Variants in GNAI2 observed in about 807,000 individuals in gnomAD.
GNAI2 encodes the protein G protein subunit alpha i2.
GNAI2 carries 4 observed loss-of-function variants against 36.8 expected under a neutral mutation model. The ratio of observed to expected loss-of-function variants is 0.11; its 90% CI spans 0.05 to 0.25. The LOEUF (loss-of-function observed/expected upper bound fraction) is 0.25. Ranked by LOEUF, GNAI2 falls within the 10% of genes least tolerant of loss-of-function variation. GNAI2 has a pLI of 1.00. For missense variants in GNAI2, 230 were observed against 481.3 expected (o/e 0.48, Z 4.89); for synonymous variants, 194 against 194.1 (o/e 1.00, Z 0.01).
chr3:50,236,134 T>G (rs1553700311), upstream of GNAI2: 1 of 1,106,328 alleles, frequency 9.0e-7, no homozygotes, highest in African/African-American at 1.7e-5. This position sits in a 1 kb window ranked among gnomAD's most constrained non-coding sequence, Gnocchi z 4.0. Context: ...GTCACAGGCT[T>G]GGTTCGCCCA....
In GNAI2 at chr3:50,242,707, G is replaced by C. The variant is rs782301888; in HGVS notation, c.118+6254G>C. ...GGAATAACCAAACATTTGCTGGGCT[G>C]GTTCTTCTGTGCCGGCCTCTGTGCA... On this transcript the variant is annotated intron_variant, in intron 1 of 8. Coordinates refer to ENST00000313601, the MANE Select transcript of GNAI2 (RefSeq NM_002070.4). This position sits in a 1 kb window ranked among gnomAD's most constrained non-coding sequence, Gnocchi z 4.8. Among the ~76,000 whole-genome samples, 11 of 152,186 alleles carry C rather than the reference G, an allele frequency of 7.2e-5. No homozygotes were observed. The highest frequency in any genetic ancestry group is 1.5e-4 in the Non-Finnish European group (10 of 68,022).
chr3:50,234,216 G>A (rs587772323), upstream of GNAI2, among the ~76,000 whole-genome samples: 6 of 146,592 alleles, frequency 4.1e-5, no homozygotes, highest in East Asian at 4.1e-4. Context: ...ACAGGCGCCC[G>A]CCACCACGCC....
At chr3:50,248,740 T>C (rs1700478201) in intron 1 of GNAI2, among the ~76,000 whole-genome samples, 1 of 152,160 alleles carries the variant, frequency 6.6e-6, no homozygotes, top group South Asian at 2.1e-4. Context: ...GGAACTCTTT[T>C]TTCAGTGACC....
In GNAI2 at chr3:50,259,061, G is replaced by C. The variant is rs782780275; in HGVS notation, c.*718G>C. ...GTCCCTCTGCTGGCCGCCCCCGTGC[G>C]AGCGGCACCCCTGCCCTGCCCTCCA... On this transcript the variant is annotated 3_prime_UTR_variant, in exon 9 of 9. Transcript: ENST00000313601. The C allele has an allele frequency of 2.5e-6, 1 of 400,766 alleles. No individual in the cohort carries two copies. The highest frequency in any genetic ancestry group is 4.9e-6 in the Non-Finnish European group (1 of 205,230). The allele number at this position is 400,766 out of a possible 1,614,324, so 24.8% of individuals were successfully genotyped here. A position where few individuals can be genotyped will look rare whatever the true frequency, so the allele number is the denominator to read the frequency against.
upstream of GNAI2, chr3:50,227,143 C>CGCTA: frequency 6.9e-7 from 1 of 1,439,460 alleles, no homozygotes; most frequent in Non-Finnish European, 9.1e-7. The surrounding 1 kb of genome is among the most constrained non-coding windows in gnomAD (Gnocchi z 5.9). Context: ...GGTGTGAAGA[C>CGCTA]GCTAGGCTGG....
In GNAI2 at chr3:50,251,982, G is replaced by A. The variant is rs375061181; in HGVS notation, c.119-118G>A. On this transcript the variant is annotated intron_variant, in intron 1 of 8. Coordinates refer to ENST00000313601, the MANE Select transcript of GNAI2 (RefSeq NM_002070.4). ...CCAGGCCCAGCTGCCTCCATCTCAC[G>A]GTGCAGCTGGTGGGAAGGTTAGTTC... The A allele has an allele frequency of 2.4e-5, 25 of 1,033,942 alleles. No homozygotes were observed. The Admixed American group carries it at 2.8e-4, about 12-fold the overall frequency. The allele number at this position is 1,033,942 out of a possible 1,614,324, so 64.0% of individuals were successfully genotyped here. A position where few individuals can be genotyped will look rare whatever the true frequency, so the allele number is the denominator to read the frequency against.
At chr3:50,247,662 G>A (rs1432182743) in intron 1 of GNAI2, among the ~76,000 whole-genome samples, 4 of 152,246 alleles carry the variant, frequency 2.6e-5, no homozygotes, top group African/African-American at 9.6e-5. Flanking sequence ...AGATGTTCTA[G>A]TGCAGAGCAG....
upstream of GNAI2, among the ~76,000 whole-genome samples, chr3:50,232,816 G>C (rs1293167867): frequency 3.3e-5 from 5 of 151,994 alleles, no homozygotes; most frequent in African/African-American, 1.2e-4. Context: ...ATACAGATTG[G>C]AGGGGAAATT....
chr3:50,231,558 A>G (rs1346469915), upstream of GNAI2, among the ~76,000 whole-genome samples: 1 of 152,182 alleles, frequency 6.6e-6, no homozygotes, highest in Non-Finnish European at 1.5e-5. Flanking sequence ...TACAGGCTCG[A>G]GCCACCGCAC....
rs587687078 is a variant in GNAI2, at chr3:50,255,417, C to T, written c.465-775C>T. The stretch of plus-strand genomic sequence containing the variant: ...ATTTCATTGGGCGCTGGGCAAAGAG[C>T]CCACTGGACCTGGCAGGCCCCAACC... On this transcript the variant is annotated intron_variant, in intron 4 of 8. Coordinates refer to ENST00000313601, the MANE Select transcript of GNAI2 (RefSeq NM_002070.4). The surrounding 1 kb of genome is among the most constrained non-coding windows in gnomAD (Gnocchi z 4.0). 6.6e-6 allele frequency among the ~76,000 whole-genome samples: 1 copy of T among 152,374 alleles called. No individual in the cohort carries two copies. Among genetic ancestry groups the T allele is most frequent in the South Asian group, 2.1e-4 (1 of 4,834 alleles).
intron 1 of GNAI2, among the ~76,000 whole-genome samples, chr3:50,247,372 C>T (rs1700449967): frequency 6.6e-6 from 1 of 152,208 alleles, no homozygotes. Context: ...CTGCTTGAGG[C>T]TTGACAGCTC....
chr3:50,251,465 C>T, intron 1 of GNAI2: 1 of 1,050,400 alleles, frequency 9.5e-7, no homozygotes, highest in Admixed American at 5.4e-5. Context: ...CTCCCAGATT[C>T]ATGAGTCAGT....
upstream of GNAI2, chr3:50,230,287 C>G (rs1700048019): frequency 6.6e-6 from 1 of 152,304 alleles, no homozygotes; most frequent in Non-Finnish European, 1.5e-5. Context: ...GTAGAACCTG[C>G]CCCAGGGCAG....
chr3:50,241,315 C>G lies in GNAI2; in HGVS notation c.118+4862C>G, dbSNP rs183258377. Reference sequence around the variant, plus strand: ...CGGGGCGGCTTGGGCCTCTGAGTCTCTTCTTCCCACCCCTCCCCCAGGCTT... The same window carrying G: ...CGGGGCGGCTTGGGCCTCTGAGTCTGTTCTTCCCACCCCTCCCCCAGGCTT... On this transcript the variant is annotated intron_variant, in intron 1 of 8. Coordinates refer to ENST00000313601, the MANE Select transcript of GNAI2 (RefSeq NM_002070.4). This position sits in a 1 kb window ranked among gnomAD's most constrained non-coding sequence, Gnocchi z 5.0. 6.6e-6 allele frequency among the ~76,000 whole-genome samples: 1 copy of G among 152,196 alleles called. No homozygotes were observed. Among genetic ancestry groups the G allele is most frequent in the Non-Finnish European group, 1.5e-5 (1 of 68,022 alleles).
chr3:50,246,760 C>A (rs1553701825), intron 1 of GNAI2: 2 of 503,090 alleles, frequency 4.0e-6, no homozygotes, highest in Non-Finnish European at 6.6e-6. Flanking sequence ...GTGTGCCTGG[C>A]TTTCTGGGTG....
chr3:50,251,891 A>C, intron 1 of GNAI2: 2 of 988,796 alleles, frequency 2.0e-6, no homozygotes, highest in Non-Finnish European at 2.8e-6. Flanking sequence ...CATGGGGCAC[A>C]GGTGCTCTAG....
At chr3:50,235,265 G>A (rs1700138721), upstream of GNAI2, 1 of 152,098 alleles carries the variant, frequency 6.6e-6, no homozygotes, top group South Asian at 2.1e-4. Flanking sequence ...GATATGAGAA[G>A]CCACCCAGCT....
chr3:50,232,979 G>A (rs1200431961), upstream of GNAI2, among the ~76,000 whole-genome samples: 1 of 151,852 alleles, frequency 6.6e-6, no homozygotes, highest in Non-Finnish European at 1.5e-5. Flanking sequence ...GAGGTGCCTG[G>A]GTGTCTCGGG....
At chr3:50,239,240 C>T (rs1003522010) in intron 1 of GNAI2, among the ~76,000 whole-genome samples, 3 of 152,194 alleles carry the variant, frequency 2.0e-5, no homozygotes, top group Non-Finnish European at 4.4e-5. Context: ...GAGACAGTGT[C>T]CACCATTGGC....
Sources: gnomAD v4.1 joint callset for allele counts (sites outside exome capture counted in the v4.1 genomes callset) on GRCh38, gnomAD v4.1.1 for gene constraint, Gnocchi (gnomAD v3.1) non-coding constraint, MANE v1.5 for transcripts, NCBI Gene and HGNC (gene_info 2026-07-23, HGNC 2026-07-21) for gene names.